Variants in KCNH5 observed in about 807,000 individuals in gnomAD.
The protein encoded by KCNH5 is voltage-gated delayed rectifier potassium channel KCNH5.
In KCNH5, 46 loss-of-function variants were observed where a neutral mutation model predicts 96.1. The observed-to-expected ratio is 0.48, with a 90% CI of 0.38 to 0.61. KCNH5 has a LOEUF of 0.61. Ranked by LOEUF, KCNH5 falls within the 20% of genes least tolerant of loss-of-function variation. The pLI, the probability that KCNH5 is intolerant of heterozygous loss-of-function variation, is 0.00. For missense variants in KCNH5, 907 were observed against 1,225.8 expected (o/e 0.74, Z 3.88); for synonymous variants, 439 against 449.8 (o/e 0.98, Z 0.30).
intron 7 of KCNH5, among the ~76,000 whole-genome samples, chr14:62,897,041 G>C (rs1184819416): frequency 6.6e-6 from 1 of 152,186 alleles, no homozygotes; most frequent in African/African-American, 2.4e-5. Flanking sequence ...TTCAGCAACT[G>C]AGAAATGTAA....
intron 8 of KCNH5, among the ~76,000 whole-genome samples, chr14:62,843,736 T>C (rs761749349): frequency 7.2e-5 from 11 of 152,108 alleles, no homozygotes; most frequent in Admixed American, 6.5e-5. Flanking sequence ...ATACAGCACA[T>C]TTGTCGGTGG....
chr14:62,783,458 G>A (rs1044967231), intron 9 of KCNH5, among the ~76,000 whole-genome samples: 1 of 151,968 alleles, frequency 6.6e-6, no homozygotes, highest in Non-Finnish European at 1.5e-5. Context: ...TTTCCTTCAA[G>A]AGATAGAAAA....
At chr14:62,816,589 T>C (rs1340147151) in intron 8 of KCNH5, among the ~76,000 whole-genome samples, 4 of 152,020 alleles carry the variant, frequency 2.6e-5, no homozygotes, top group African/African-American at 9.7e-5. Flanking sequence ...AGGAATTTAG[T>C]CCTCTGGAAC....
chr14:62,909,943 C>CT (rs1889117820), intron 7 of KCNH5, among the ~76,000 whole-genome samples: 1 of 151,796 alleles, frequency 6.6e-6, no homozygotes, highest in African/African-American at 2.4e-5. Context: ...TGGTTTTTTT[C>CT]TTTTTTTGCT....
intron 8 of KCNH5, among the ~76,000 whole-genome samples, chr14:62,836,966 T>G (rs1887477791): frequency 6.6e-6 from 1 of 152,144 alleles, no homozygotes; most frequent in South Asian, 2.1e-4. Flanking sequence ...TGTATAATCT[T>G]GGATAATTTA....
chr14:62,919,627 A>C (rs1201583250), intron 7 of KCNH5, among the ~76,000 whole-genome samples: 1 of 152,024 alleles, frequency 6.6e-6, no homozygotes, highest in African/African-American at 2.4e-5. Flanking sequence ...TAAGATTACT[A>C]TTAGGATGAA....
At chr14:62,812,795 A>T (rs960607614) in intron 8 of KCNH5, among the ~76,000 whole-genome samples, 1 of 152,122 alleles carries the variant, frequency 6.6e-6, no homozygotes, top group Non-Finnish European at 1.5e-5. Flanking sequence ...ATTTACACTT[A>T]TCTATGTGTA....
intron 7 of KCNH5, among the ~76,000 whole-genome samples, chr14:62,932,946 C>A (rs1359843853): frequency 6.6e-6 from 1 of 152,040 alleles, no homozygotes; most frequent in Non-Finnish European, 1.5e-5. Flanking sequence ...TCAAAAAATT[C>A]TTTTATCTAT....
intron 10 of KCNH5, among the ~76,000 whole-genome samples, chr14:62,756,271 T>C (rs1490685334): frequency 1.3e-5 from 2 of 152,048 alleles, no homozygotes; most frequent in Admixed American, 6.6e-5. Flanking sequence ...TGATGAAGAC[T>C]ATAATACATC....
chr14:63,042,375 A>T (rs1891841204), intron 1 of KCNH5, among the ~76,000 whole-genome samples: 1 of 152,106 alleles, frequency 6.6e-6, no homozygotes, highest in Non-Finnish European at 1.5e-5. Flanking sequence ...ACTGTGTATT[A>T]TCTGGGTATC....
chr14:62,962,120 GGATGGAGATGAA>G (rs1317264893), intron 6 of KCNH5, among the ~76,000 whole-genome samples: 2 of 151,718 alleles, frequency 1.3e-5, no homozygotes, highest in African/African-American at 2.4e-5. Flanking sequence ...ACAGGGACAG[GGATGGAGATGAA>G]GATGGAGATG....
intron 9 of KCNH5, among the ~76,000 whole-genome samples, chr14:62,781,472 G>A (rs1886211480): frequency 6.6e-6 from 1 of 152,168 alleles, no homozygotes; most frequent in Non-Finnish European, 1.5e-5. Flanking sequence ...TAATAAGCCT[G>A]GGAGCGCTAT....
chr14:63,009,999 A>T (rs1002973323), intron 2 of KCNH5, among the ~76,000 whole-genome samples: 7 of 152,238 alleles, frequency 4.6e-5, no homozygotes, highest in African/African-American at 1.4e-4. Flanking sequence ...AAATATTTTT[A>T]AAATCACAAA....
chr14:62,848,252 G>C (rs907797443), intron 8 of KCNH5, among the ~76,000 whole-genome samples: 1 of 152,108 alleles, frequency 6.6e-6, no homozygotes, highest in Non-Finnish European at 1.5e-5. Flanking sequence ...CCCTGCTTTT[G>C]ATGACTTAAA....
chr14:63,020,792 T>A (rs1441964123), intron 1 of KCNH5, among the ~76,000 whole-genome samples: 1 of 152,108 alleles, frequency 6.6e-6, no homozygotes, highest in African/African-American at 2.4e-5. Context: ...TGCATAAAAA[T>A]TTTTTAAAAC....
intron 10 of KCNH5, among the ~76,000 whole-genome samples, chr14:62,725,525 C>T (rs140729789): frequency 5.1e-4 from 77 of 152,142 alleles, no homozygotes; most frequent in African/African-American, 1.7e-3. Flanking sequence ...TTGAGGACAG[C>T]ATGGTGTAAG....
intron 7 of KCNH5, among the ~76,000 whole-genome samples, chr14:62,936,980 C>CAAAAAAAA (rs5809179): frequency 3.2e-5 from 2 of 62,262 alleles, no homozygotes; most frequent in African/African-American, 6.0e-5. Context: ...GACTCCATCT[C>CAAAAAAAA]AAAAAAAAAA....
Position 62,950,279 on chromosome 14 carries a change from A to C in KCNH5, c.1223T>G (p.Ile408Arg). Residue 408 changes from isoleucine (I) to arginine (R), a missense_variant, in exon 7 of 11, where the codon ATA (isoleucine) becomes AGA (arginine). Physicochemically the swap from Ile to Arg is moderately conservative, Grantham distance 97. Transcript: ENST00000322893. ...TPYRYNTSAG[I>R]WEGGPSKDSL... ...ATCCTTGCTGGGTCCTCCTTCCCAT[A>C]TCCCAGCACTGGTATTGTAGCGATA... is the stretch of plus-strand genomic sequence containing the variant. 5 of 1,614,082 alleles carry C rather than the reference A, an allele frequency of 3.1e-6. No homozygotes were observed. Among genetic ancestry groups the C allele is most frequent in the Non-Finnish European group, 4.2e-6 (5 of 1,179,970 alleles).
At chr14:62,926,172 T>TAGG (rs1889472211) in intron 7 of KCNH5, among the ~76,000 whole-genome samples, 1 of 152,092 alleles carries the variant, frequency 6.6e-6, no homozygotes, top group Non-Finnish European at 1.5e-5. Context: ...ACAAGAAGGA[T>TAGG]AGGCTTGCAT....
Sources: allele counts gnomAD v4.1 joint callset (sites outside exome capture counted in the v4.1 genomes callset), GRCh38; gene constraint gnomAD v4.1.1; transcripts MANE v1.5; gene names NCBI Gene and HGNC (gene_info 2026-07-23, HGNC 2026-07-21).